The following EXOC4 variants were observed in gnomAD, a reference collection of about 807,000 sequenced individuals.
The protein encoded by EXOC4 is SEC8-like 1.
Under a neutral mutation model 107.2 loss-of-function variants are expected in EXOC4, and 71 were observed. The observed-to-expected ratio is 0.66, with a 90% CI of 0.55 to 0.81. The LOEUF (loss-of-function observed/expected upper bound fraction) is 0.81. Ranked by LOEUF, EXOC4 falls within the 30% of genes least tolerant of loss-of-function variation. The pLI is 0.00. For synonymous variants in EXOC4, 456 were observed against 441.2 expected (o/e 1.03, Z -0.42); for missense variants, 1,108 against 1,189.6 (o/e 0.93, Z 1.01).
intron 9 of EXOC4, among the ~76,000 whole-genome samples, chr7:133,565,560 G>A (rs1014039035): frequency 1.3e-5 from 2 of 152,102 alleles, no homozygotes; most frequent in African/African-American, 4.8e-5. Flanking sequence ...GGGTAGAGTT[G>A]CCAGATAAAA....
chr7:133,799,725 T>C (rs951338571), intron 10 of EXOC4, among the ~76,000 whole-genome samples: 2 of 152,140 alleles, frequency 1.3e-5, no homozygotes, highest in African/African-American at 2.4e-5. Flanking sequence ...TGAAATATAC[T>C]GTGAAAGTTT....
At chr7:133,347,228 A>G (rs1261892288) in intron 5 of EXOC4, among the ~76,000 whole-genome samples, 2 of 151,412 alleles carry the variant, frequency 1.3e-5, no homozygotes, top group African/African-American at 4.9e-5. Flanking sequence ...TCAAGGATAT[A>G]TAGACGTAAA....
chr7:133,766,368 T>C (rs1461914879), intron 10 of EXOC4, among the ~76,000 whole-genome samples: 1 of 152,054 alleles, frequency 6.6e-6, no homozygotes, highest in Non-Finnish European at 1.5e-5. Flanking sequence ...CTGGTAACAG[T>C]GTAATTCTTT....
At chr7:133,562,568 A>G (rs968937050) in intron 9 of EXOC4, among the ~76,000 whole-genome samples, 1 of 152,152 alleles carries the variant, frequency 6.6e-6, no homozygotes, top group Non-Finnish European at 1.5e-5. Context: ...TATTAGCTTT[A>G]CTTTAACTAG....
At chr7:134,014,608 G>C (rs757604050) in intron 17 of EXOC4, among the ~76,000 whole-genome samples, 1 of 152,092 alleles carries the variant, frequency 6.6e-6, no homozygotes, top group South Asian at 2.1e-4. Context: ...AATTTATAGA[G>C]ATAGATTAGT....
intron 9 of EXOC4, among the ~76,000 whole-genome samples, chr7:133,601,405 A>G (rs1801804982): frequency 6.6e-6 from 1 of 152,112 alleles, no homozygotes; most frequent in Non-Finnish European, 1.5e-5. Flanking sequence ...AGGAAGATAC[A>G]TATTTTTCAA....
chr7:133,480,382 C>G, intron 9 of EXOC4: 1 of 1,307,464 alleles, frequency 7.6e-7, no homozygotes, highest in Non-Finnish European at 9.8e-7. Context: ...AGAGATGAGG[C>G]CAGGCTCGTC....
At chr7:133,487,351 A>G (rs1477303295) in intron 9 of EXOC4, among the ~76,000 whole-genome samples, 1 of 152,216 alleles carries the variant, frequency 6.6e-6, no homozygotes, top group Non-Finnish European at 1.5e-5. Context: ...AACGTAATGT[A>G]TTTGAGTTTT....
chr7:133,718,748 A>G (rs909329396), intron 10 of EXOC4, among the ~76,000 whole-genome samples: 2 of 152,176 alleles, frequency 1.3e-5, no homozygotes, highest in Non-Finnish European at 2.9e-5. Flanking sequence ...CATGTAACAC[A>G]TGGTGAATGT....
chr7:134,058,710 G>T (rs962794202), intron 17 of EXOC4, among the ~76,000 whole-genome samples: 2 of 152,106 alleles, frequency 1.3e-5, no homozygotes, highest in Non-Finnish European at 2.9e-5. Flanking sequence ...TCATATTTGT[G>T]TACTCAAGAC....
At chr7:133,969,958 C>G (rs185151559) in intron 14 of EXOC4, among the ~76,000 whole-genome samples, 1 of 152,220 alleles carries the variant, frequency 6.6e-6, no homozygotes. Context: ...GCCCCTTCCC[C>G]CAGGTGCCCT....
chr7:133,344,625 G>A (rs1337884994), intron 5 of EXOC4, among the ~76,000 whole-genome samples: 4 of 151,980 alleles, frequency 2.6e-5, no homozygotes, highest in Non-Finnish European at 5.9e-5. Context: ...TCTACTTTTT[G>A]TTTCCTTTTT....
chr7:133,872,105 A>G (rs1296933142), intron 11 of EXOC4, among the ~76,000 whole-genome samples: 2 of 151,908 alleles, frequency 1.3e-5, no homozygotes, highest in African/African-American at 4.9e-5. Context: ...AAAAGAGTCA[A>G]TGAAAGGAAC....
chr7:133,536,638 C>G (rs1407526391), intron 9 of EXOC4, among the ~76,000 whole-genome samples: 2 of 151,608 alleles, frequency 1.3e-5, no homozygotes, highest in African/African-American at 2.4e-5. Flanking sequence ...GTAGGTTTGG[C>G]TGTGAATAAC....
chr7:133,555,478 C>G (rs966868341), intron 9 of EXOC4, among the ~76,000 whole-genome samples: 1 of 152,158 alleles, frequency 6.6e-6, no homozygotes, highest in Non-Finnish European at 1.5e-5. Flanking sequence ...GACACACAGA[C>G]AGAAAGAGCA....
intron 10 of EXOC4, among the ~76,000 whole-genome samples, chr7:133,783,610 G>GTGTA (rs913094417): frequency 6.6e-6 from 1 of 152,216 alleles, no homozygotes; most frequent in Admixed American, 6.5e-5. Context: ...GTAAGAAAGT[G>GTGTA]TGTATTCGGT....
Position 133,996,880 on chromosome 7 carries a change from C to T in EXOC4, c.2207-612C>T, listed in dbSNP as rs117860222. On this transcript the variant is annotated intron_variant, in intron 14 of 17. Coordinates refer to ENST00000253861, the MANE Select transcript of EXOC4 (RefSeq NM_021807.4). The stretch of plus-strand genomic sequence containing the variant: ...AATGGGTGAAGAACTGTGGACATTC[C>T]GCATAGAAAAGGGAAGACTTCAAGG... Among the ~76,000 whole-genome samples the T allele has an allele frequency of 6.8e-4, 103 of 152,114 alleles. 1 individual carries two copies. The East Asian group carries it at 0.018, about 27-fold the overall frequency.
chr7:133,793,104 A>G (rs1401992843), intron 10 of EXOC4, among the ~76,000 whole-genome samples: 3 of 152,172 alleles, frequency 2.0e-5, no homozygotes, highest in Non-Finnish European at 4.4e-5. Flanking sequence ...AGCAAGCTCA[A>G]TGTATCCAAT....
intron 5 of EXOC4, among the ~76,000 whole-genome samples, chr7:133,320,426 G>A (rs141550233): frequency 2.0e-5 from 3 of 152,208 alleles, no homozygotes; most frequent in African/African-American, 7.2e-5. Context: ...AGCAATGGTG[G>A]GTCACATTCT....
Sources: gnomAD v4.1 joint callset for allele counts (sites outside exome capture counted in the v4.1 genomes callset) on GRCh38, gnomAD v4.1.1 for gene constraint, MANE v1.5 for transcripts, NCBI Gene and HGNC (gene_info 2026-07-23, HGNC 2026-07-21) for gene names.